Variants in AR observed in about 807,000 individuals in gnomAD.
The protein encoded by AR is androgen receptor.
In AR, 8 loss-of-function variants were observed where a neutral mutation model predicts 53.9. The ratio of observed to expected loss-of-function variants is 0.15; its 90% CI spans 0.09 to 0.27. AR has a LOEUF of 0.27. Among genes scored for constraint, AR ranks in the 10% least tolerant of loss-of-function variants. AR has a pLI of 1.00. For missense variants in AR, 639 were observed against 742.5 expected (o/e 0.86, Z 1.62); for synonymous variants, 359 against 316.4 (o/e 1.13, Z -1.43).
At chrX:67,723,434 G>A (rs2076145389) in intron 7 of AR, among the ~76,000 whole-genome samples, 1 of 102,262 alleles carries the variant, frequency 9.8e-6, no homozygotes, top group African/African-American at 3.6e-5. Context: ...GAGTCAGAGA[G>A]CTTACAATGG....
intron 1 of AR, among the ~76,000 whole-genome samples, chrX:67,608,380 T>G (rs1923726856): frequency 8.9e-6 from 1 of 112,101 alleles, no homozygotes; most frequent in African/African-American, 3.2e-5. Context: ...CTATTCTCCT[T>G]TGTTTTAACT....
intron 1 of AR, among the ~76,000 whole-genome samples, chrX:67,628,799 A>G (rs1924867334): frequency 9.0e-6 from 1 of 111,556 alleles, no homozygotes; most frequent in African/African-American, 3.3e-5. Context: ...TTATTATTTT[A>G]AAATACGGCC....
chrX:67,569,217 G>C (rs1039561953), intron 1 of AR, among the ~76,000 whole-genome samples: 1 of 103,925 alleles, frequency 9.6e-6, no homozygotes, highest in Non-Finnish European at 2.0e-5. Context: ...GTGTGTGGGG[G>C]GGGGTTGGGG....
chrX:67,617,267 A>G (rs1471196962), intron 1 of AR, among the ~76,000 whole-genome samples: 3 of 111,546 alleles, frequency 2.7e-5, no homozygotes, highest in Non-Finnish European at 5.7e-5. Context: ...TTAGAAGTAT[A>G]TGAAATTCAT....
At chrX:67,556,792 G>T (rs1921072202) in intron 1 of AR, among the ~76,000 whole-genome samples, 1 of 111,667 alleles carries the variant, frequency 9.0e-6, no homozygotes, top group Non-Finnish European at 1.9e-5. Flanking sequence ...GAAATGAGCT[G>T]CTATTTGGAC....
At chrX:67,651,526 C>G (rs1308722270) in intron 2 of AR, among the ~76,000 whole-genome samples, 1 of 111,447 alleles carries the variant, frequency 9.0e-6, no homozygotes, top group Non-Finnish European at 1.9e-5. Flanking sequence ...CTTCTGGGGT[C>G]AAAGGCAGCA....
At chrX:67,722,548 G>A (rs188274671) in intron 6 of AR, among the ~76,000 whole-genome samples, 141 of 112,010 alleles carry the variant, frequency 1.3e-3, no homozygotes, top group African/African-American at 4.2e-3. Flanking sequence ...TAAAAGCTTA[G>A]GTCCTAAAAA....
In AR at chrX:67,727,437, A is replaced by G. The variant is rs1000569677; in HGVS notation, c.*3596A>G. On this transcript the variant is annotated 3_prime_UTR_variant, in exon 8 of 8. Coordinates refer to ENST00000374690, the MANE Select transcript of AR (RefSeq NM_000044.6). ...CTGTCCATACTCTACTTCTAAATACATATAGGCATACATAGCAAGTTTTAT... is the reference window on the plus strand; with the variant it reads ...CTGTCCATACTCTACTTCTAAATACGTATAGGCATACATAGCAAGTTTTAT... The G allele has an allele frequency of 6.5e-5, 11 of 170,287 alleles. No homozygotes were observed. The highest frequency in any genetic ancestry group is 1.0e-4 in the Non-Finnish European group (9 of 88,857). 14.0% of individuals were successfully genotyped at this position (170,287 alleles called of 1,213,427 possible). A position where few individuals can be genotyped will look rare whatever the true frequency, so the allele number is the denominator to read the frequency against.
intron 1 of AR, among the ~76,000 whole-genome samples, chrX:67,603,818 CAGGG>C: frequency 9.0e-6 from 1 of 110,967 alleles, no homozygotes; most frequent in South Asian, 3.8e-4. Flanking sequence ...AGGCTGGAGA[CAGGG>C]AGCACATTTA....
intron 1 of AR, among the ~76,000 whole-genome samples, 157 bp from the exon 2 acceptor site, chrX:67,643,099 A>G (rs1167641723): frequency 8.9e-6 from 1 of 112,265 alleles, no homozygotes; most frequent in Non-Finnish European, 1.9e-5. Flanking sequence ...CATCATCTTT[A>G]GGAGAAGTCT....
At chrX:67,632,681 T>C (rs1347647595) in intron 1 of AR, among the ~76,000 whole-genome samples, 3 of 112,235 alleles carry the variant, frequency 2.7e-5, no homozygotes, top group Non-Finnish European at 5.6e-5. Context: ...AATTGTTAAA[T>C]TGGACTTCAT....
chrX:67,726,965 C>T lies in AR; in HGVS notation c.*3124C>T, dbSNP rs1049109882. ...ACAAGTTGGCAGTGCTCGATGTGGACGAAGAGTGAGGAAGAGAAAAAGAAG... is the reference window on the plus strand; with the variant it reads ...ACAAGTTGGCAGTGCTCGATGTGGATGAAGAGTGAGGAAGAGAAAAAGAAG... On this transcript the variant is annotated 3_prime_UTR_variant, in exon 8 of 8. Coordinates refer to ENST00000374690, the MANE Select transcript of AR (RefSeq NM_000044.6). 5 of 171,971 alleles carry T rather than the reference C, an allele frequency of 2.9e-5. No homozygotes were observed. Among genetic ancestry groups the T allele is most frequent in the African/African-American group, 5.9e-5 (2 of 33,858 alleles). The allele number at this position is 171,971 out of a possible 1,213,427, so 14.2% of individuals were successfully genotyped here.
intron 1 of AR, among the ~76,000 whole-genome samples, chrX:67,623,672 A>C (rs1408553689): frequency 9.0e-6 from 1 of 111,303 alleles, no homozygotes; most frequent in Non-Finnish European, 1.9e-5. Flanking sequence ...TAGAGTAGAA[A>C]AACACTAGAA....
chrX:67,546,594 A>G lies in AR; in HGVS notation c.1448A>G (p.Tyr483Cys). 1 of 1,174,028 alleles carries G rather than the reference A, an allele frequency of 8.5e-7. No individual in the cohort carries two copies. Among genetic ancestry groups the G allele is most frequent in the Non-Finnish European group, 1.1e-6 (1 of 876,586 alleles). Residue 483 changes from tyrosine to cysteine, a missense_variant, in exon 1 of 8, where the codon TAC becomes TGC. Around this residue, in one of 5 missense-constraint regions of AR, gnomAD observed 423 missense variants for 377.0 expected, o/e 1.12. Transcript: ENST00000374690. ...GCGGGAGCTGTAGCCCCCTACGGCTACACTCGGCCCCCTCAGGGGCTGGCG... is the reference window on the plus strand; with the variant it reads ...GCGGGAGCTGTAGCCCCCTACGGCTGCACTCGGCCCCCTCAGGGGCTGGCG... ...GEAGAVAPYG[Y>C]TRPPQGLAGQ...
rs1349398228 is a variant in AR at position 67,729,799 on chromosome X, C to T, written c.*5958C>T. The T allele has an allele frequency of 8.2e-5, 14 of 171,625 alleles. No individual in the cohort carries two copies. Among genetic ancestry groups the T allele is most frequent in the Non-Finnish European group, 7.8e-5 (7 of 90,270 alleles). 14.1% of individuals were successfully genotyped at this position (171,625 alleles called of 1,213,427 possible). Reference sequence around the variant, plus strand: ...AATGCTGTTTCTCTGGTGGTTCCCTCTCTGGCTGCTGCCTCACAGTATGGG... The same window carrying T: ...AATGCTGTTTCTCTGGTGGTTCCCTTTCTGGCTGCTGCCTCACAGTATGGG... On this transcript the variant is annotated 3_prime_UTR_variant, in exon 8 of 8. Coordinates refer to ENST00000374690, the MANE Select transcript of AR (RefSeq NM_000044.6).
At chrX:67,720,142 G>A (rs2076129649) in intron 5 of AR, among the ~76,000 whole-genome samples, 1 of 111,357 alleles carries the variant, frequency 9.0e-6, no homozygotes, top group African/African-American at 3.3e-5. Flanking sequence ...TGTGCTCAGT[G>A]TTTTCCAATC....
Position 67,725,469 on chromosome X carries a change from G to C in AR, c.*1628G>C, listed in dbSNP as rs909571896. ...TTGAAGAGAAAACTCAATTACCAGGGTGGGAAGAATGAAGGCACTAGAACC... is the reference window on the plus strand; with the variant it reads ...TTGAAGAGAAAACTCAATTACCAGGCTGGGAAGAATGAAGGCACTAGAACC... On this transcript the variant is annotated 3_prime_UTR_variant, in exon 8 of 8. Transcript: ENST00000374690. The C allele has an allele frequency of 1.7e-5, 3 of 174,227 alleles. No homozygotes were observed. The highest frequency in any genetic ancestry group is 5.9e-5 in the African/African-American group (2 of 33,873). The allele number at this position is 174,227 out of a possible 1,213,427, so 14.4% of individuals were successfully genotyped here.
At chrX:67,664,944 C>T (rs755666792) in intron 2 of AR, among the ~76,000 whole-genome samples, 2 of 112,710 alleles carry the variant, frequency 1.8e-5, no homozygotes, top group Non-Finnish European at 3.8e-5. Flanking sequence ...CCTGGTGTGC[C>T]GTTTGTGAAG....
chrX:67,666,927 C>T (rs1372505942), intron 2 of AR, among the ~76,000 whole-genome samples: 1 of 110,777 alleles, frequency 9.0e-6, no homozygotes, highest in Non-Finnish European at 1.9e-5. Flanking sequence ...TTTTTTCCTA[C>T]AGAGTGCTTG....
Sources: allele counts gnomAD v4.1 joint callset (sites outside exome capture counted in the v4.1 genomes callset), GRCh38; gene constraint gnomAD v4.1.1; regional missense constraint gnomAD v4.1.1; transcripts MANE v1.5; gene names NCBI Gene and HGNC (gene_info 2026-07-23, HGNC 2026-07-21).